PAPPA2: variants seen among roughly 807,000 people sequenced by gnomAD.
The protein encoded by PAPPA2 is pappalysin-2.
In PAPPA2, 86 loss-of-function variants were observed where a neutral mutation model predicts 176.4. The observed-to-expected ratio is 0.49, with a 90% CI of 0.41 to 0.58. PAPPA2 has a LOEUF of 0.58. PAPPA2 is among the 20% of genes least tolerant of loss of function. The pLI is 0.00. For synonymous variants in PAPPA2, 809 were observed against 852.2 expected (o/e 0.95, Z 0.88); for missense variants, 2,073 against 2,256.9 (o/e 0.92, Z 1.65).
chr1:176,786,629 G>T (rs536422236), intron 17 of PAPPA2, among the ~76,000 whole-genome samples: 1 of 152,198 alleles, frequency 6.6e-6, no homozygotes, highest in Non-Finnish European at 1.5e-5. Context: ...GGATGAGGAC[G>T]CATTAATAAA....
intron 14 of PAPPA2, among the ~76,000 whole-genome samples, chr1:176,750,185 G>T (rs184752077): frequency 6.6e-6 from 1 of 151,430 alleles, no homozygotes; most frequent in East Asian, 1.9e-4. Context: ...ATAAAACTAA[G>T]CCTGTACTCT....
chr1:176,508,854 ATCT>A (rs1339678461), intron 1 of PAPPA2, among the ~76,000 whole-genome samples: 1 of 151,996 alleles, frequency 6.6e-6, no homozygotes, highest in Non-Finnish European at 1.5e-5. Flanking sequence ...CTTCCCCATC[ATCT>A]TCTGCCATGA....
At chr1:176,548,539 G>T (rs1428673782) in intron 1 of PAPPA2, among the ~76,000 whole-genome samples, 2 of 152,186 alleles carry the variant, frequency 1.3e-5, no homozygotes. Context: ...GTTTTGTCAT[G>T]CTGGGAGTCA....
chr1:176,625,821 C>T (rs1456722214), intron 3 of PAPPA2, among the ~76,000 whole-genome samples: 1 of 152,100 alleles, frequency 6.6e-6, no homozygotes, highest in African/African-American at 2.4e-5. Flanking sequence ...AGGAGTTTAA[C>T]ATCAGCCTGG....
intron 3 of PAPPA2, among the ~76,000 whole-genome samples, chr1:176,634,685 G>A (rs1216185498): frequency 6.6e-6 from 1 of 151,810 alleles, no homozygotes; most frequent in Admixed American, 6.6e-5. Flanking sequence ...AGGCGCTATT[G>A]AGTACATAGA....
At chr1:176,731,407 C>T (rs757152170) in intron 12 of PAPPA2, among the ~76,000 whole-genome samples, 2 of 152,036 alleles carry the variant, frequency 1.3e-5, no homozygotes, top group African/African-American at 4.8e-5. Flanking sequence ...TCAAGCAATT[C>T]TCTTTTCTCA....
At chr1:176,770,479 G>T (rs562992313) in intron 16 of PAPPA2, among the ~76,000 whole-genome samples, 7 of 152,136 alleles carry the variant, frequency 4.6e-5, no homozygotes, top group African/African-American at 1.7e-4. Flanking sequence ...GCAAGTTACC[G>T]ATCCCCAATT....
intron 14 of PAPPA2, among the ~76,000 whole-genome samples, chr1:176,741,317 A>C (rs1319395758): frequency 6.6e-6 from 1 of 152,130 alleles, no homozygotes; most frequent in Non-Finnish European, 1.5e-5. Context: ...CAGGCCTCAG[A>C]AGATCCACAT....
At chr1:176,672,701 A>C (rs1374842954) in intron 4 of PAPPA2, among the ~76,000 whole-genome samples, 1 of 152,216 alleles carries the variant, frequency 6.6e-6, no homozygotes, top group Non-Finnish European at 1.5e-5. Context: ...GCTATATGCA[A>C]ATGTATATAT....
chr1:176,568,976 G>A (rs1652150232), intron 2 of PAPPA2, among the ~76,000 whole-genome samples: 1 of 152,054 alleles, frequency 6.6e-6, no homozygotes. Context: ...CTTCCTTAAG[G>A]TGTCATATGA....
At chr1:176,741,584 G>A (rs1571257379) in intron 14 of PAPPA2, among the ~76,000 whole-genome samples, 1 of 152,140 alleles carries the variant, frequency 6.6e-6, no homozygotes, top group East Asian at 1.9e-4. Flanking sequence ...GAGTCAGTAA[G>A]TTCAGTCCAT....
chr1:176,833,421 A>G (rs1346277486), intron 21 of PAPPA2, among the ~76,000 whole-genome samples: 1 of 152,156 alleles, frequency 6.6e-6, no homozygotes, highest in African/African-American at 2.4e-5. Context: ...AAAACTCCCT[A>G]CCTTACAAAG....
At chr1:176,785,599 G>A (rs1405724499) in intron 17 of PAPPA2, among the ~76,000 whole-genome samples, 2 of 152,160 alleles carry the variant, frequency 1.3e-5, no homozygotes, top group South Asian at 2.1e-4. Context: ...TGCCTGCAGT[G>A]CCTCCTCTCC....
intron 12 of PAPPA2, among the ~76,000 whole-genome samples, chr1:176,715,104 AC>A (rs1208416469): frequency 6.6e-6 from 1 of 151,700 alleles, no homozygotes; most frequent in East Asian, 1.9e-4. Flanking sequence ...TTCCACCTAA[AC>A]CCCCTGCCAC....
chr1:176,683,094 G>A (rs974074496), intron 4 of PAPPA2, among the ~76,000 whole-genome samples: 4 of 151,150 alleles, frequency 2.6e-5, no homozygotes, highest in African/African-American at 4.9e-5. Flanking sequence ...TCTTTACCAT[G>A]AGCCACTTGG....
intron 17 of PAPPA2, among the ~76,000 whole-genome samples, chr1:176,778,974 C>T (rs568877934): frequency 1.3e-5 from 2 of 152,244 alleles, no homozygotes; most frequent in Admixed American, 1.3e-4. Context: ...CACATACACA[C>T]CTGGGTGCAG....
At chr1:176,695,966 A>ATGTG (rs67178111) in intron 7 of PAPPA2, 107 bp downstream of exon 7, 9,530 of 864,196 alleles carry the variant, frequency 0.011, 48 homozygotes, top group South Asian at 0.024. Context: ...ATGTATGTGT[A>ATGTG]TGTGTGTGTG....
intron 5 of PAPPA2, chr1:176,691,061 G>A: frequency 1.0e-6 from 1 of 985,302 alleles, no homozygotes; most frequent in Non-Finnish European, 1.2e-6. Context: ...CTTGTCATCT[G>A]GTCTTTCTTG....
At chr1:176,579,439 G>A (rs1031789702) in intron 2 of PAPPA2, among the ~76,000 whole-genome samples, 4 of 152,082 alleles carry the variant, frequency 2.6e-5, no homozygotes, top group African/African-American at 9.7e-5. Context: ...CCAAATGTTC[G>A]GCAAGGCAGC....
Sources: allele counts gnomAD v4.1 joint callset (sites outside exome capture counted in the v4.1 genomes callset), GRCh38; gene constraint gnomAD v4.1.1; transcripts MANE v1.5; gene names NCBI Gene and HGNC (gene_info 2026-07-23, HGNC 2026-07-21).